Variants in SYNE2 observed in about 807,000 individuals in gnomAD.
The protein encoded by SYNE2 is spectrin repeat containing nuclear envelope protein 2.
A neutral mutation model predicts 856.3 loss-of-function variants in SYNE2; 431 were observed. That is an observed-to-expected ratio of 0.50 (90% CI 0.47 to 0.55). The LOEUF (loss-of-function observed/expected upper bound fraction) is 0.55. Among genes scored for constraint, SYNE2 ranks in the 20% least tolerant of loss-of-function variants. The pLI is 0.00. For missense variants in SYNE2, 8,129 were observed against 8,023.2 expected, an observed-to-expected ratio of 1.01 and a Z score of -0.50; for synonymous variants, 2,923 against 2,872.3, an observed-to-expected ratio of 1.02 and a Z score of -0.56.
At position 64,051,539 on chromosome 14, in the gene SYNE2, T is replaced by C; in HGVS notation, c.7644-18T>C. The stretch of plus-strand genomic sequence containing the variant: ...AAGCATTAAATATTAACAAGCTCTA[T>C]TTTTATTCTTTTTCTAGAGGACCAC... On this transcript the variant is annotated intron_variant, in intron 47 of 115. Coordinates refer to ENST00000555002, the MANE Select transcript of SYNE2 (RefSeq NM_182914.3). The C allele has an allele frequency of 6.2e-7, 1 of 1,601,264 alleles. No individual in the cohort carries two copies. The highest frequency in any genetic ancestry group is 8.5e-7 in the Non-Finnish European group (1 of 1,174,238).
Position 64,139,980 on chromosome 14 carries a change from A to C in SYNE2, c.14883A>C (p.Glu4961Asp), listed in dbSNP as rs767882517. The change falls in exon 80 of 116, where the codon GAA (glutamate) becomes GAC (aspartate). Residue 4961 changes from glutamate (E) to aspartate (D), a missense_variant. Around this residue, in one of 3 missense-constraint regions of SYNE2, gnomAD observed 5,410 missense variants for 5,284.8 expected, o/e 1.02. Coordinates refer to ENST00000555002, the MANE Select transcript of SYNE2 (RefSeq NM_182914.3). ...CGGATCAGTTAACCAAGTGGTTGGA[A>C]TCTTCCCAGCATACTCTGAATTACT... is the stretch of plus-strand genomic sequence containing the variant. The part of the protein sequence containing the change: ...RDSDQLTKWL[E>D]SSQHTLNYWK... 1 of 1,614,056 alleles carries C rather than the reference A, an allele frequency of 6.2e-7. No individual in the cohort carries two copies. Among genetic ancestry groups the C allele is most frequent in the Non-Finnish European group, 8.5e-7 (1 of 1,179,956 alleles).
At position 64,215,361 on chromosome 14, in the gene SYNE2, C is replaced by A. The variant is rs1435729964; in HGVS notation, c.19402+7C>A. ...ACTTTGAAAGCGTCTTCTGGTAGGC[C>A]CCCGCCCATGCATGTGTCAACATGG... On this transcript the variant is annotated splice_region_variant and intron_variant, in intron 107 of 115. Transcript: ENST00000555002. The A allele has an allele frequency of 2.5e-6, 4 of 1,613,874 alleles. No individual in the cohort carries two copies. Among genetic ancestry groups the A allele is most frequent in the Admixed American group, 1.7e-5 (1 of 60,032 alleles).
In SYNE2 at chr14:64,133,969, A is replaced by G. The variant is rs1029145; in HGVS notation, c.14515-100A>G. On this transcript the variant is annotated intron_variant, in intron 77 of 115. Coordinates refer to ENST00000555002, the MANE Select transcript of SYNE2 (RefSeq NM_182914.3). ...CCTGGAATCTGTGCTTTAATTTTGT[A>G]TGGTCTTGGTGTTCATTTTTGTTTT... 0.018 allele frequency: 25,413 copies of G among 1,398,644 alleles called. 1,988 individuals are homozygous for G. The African/African-American group carries it at 0.23, about 13-fold the overall frequency. The allele number at this position is 1,398,644 out of a possible 1,614,324, so 86.6% of individuals were successfully genotyped here.
chr14:63,984,627 G>C (rs951045681), intron 18 of SYNE2, among the ~76,000 whole-genome samples: 4 of 152,100 alleles, frequency 2.6e-5, no homozygotes, highest in African/African-American at 9.7e-5. Flanking sequence ...TATGGGAAAA[G>C]AACAAAAAAT....
rs576429806 is a variant in SYNE2 at position 64,140,577 on chromosome 14, C to CA, written c.14976+505dup. Among the ~76,000 whole-genome samples the CA allele has an allele frequency of 3.3e-5, 5 of 152,248 alleles. No homozygotes were observed. In the East Asian group the frequency reaches 9.6e-4, roughly 29 times the overall value. On this transcript the variant is annotated intron_variant, in intron 80 of 115. Coordinates refer to ENST00000555002, the MANE Select transcript of SYNE2 (RefSeq NM_182914.3). Reference sequence around the variant, plus strand: ...CAGCCTGGGCATCAAGAGTGAAACTCAGTCTCAAAAAACTTGCACTGACAT... The same window carrying CA: ...CAGCCTGGGCATCAAGAGTGAAACTCAAGTCTCAAAAAACTTGCACTGACAT...
chr14:64,133,019 A>T (rs1963747), intron 77 of SYNE2, among the ~76,000 whole-genome samples: 2 of 151,610 alleles, frequency 1.3e-5, no homozygotes, highest in African/African-American at 4.9e-5. Context: ...TGGCTAACAC[A>T]GTGAAACCCC....
intron 84 of SYNE2, among the ~76,000 whole-genome samples, chr14:64,146,755 C>T (rs7144688): frequency 0.39 from 59,408 of 152,210 alleles, 15,038 homozygotes; most frequent in African/African-American, 0.72. Context: ...TCTTTGCACA[C>T]TGATCCTGCT....
intron 8 of SYNE2, among the ~76,000 whole-genome samples, chr14:63,957,184 A>C: frequency 2.1e-5 from 3 of 142,372 alleles, no homozygotes; most frequent in Non-Finnish European, 3.0e-5. Flanking sequence ...TGCAACCTCC[A>C]CCTCCTGGGT....
At chr14:64,200,802 G>A (rs1289978246) in intron 99 of SYNE2, among the ~76,000 whole-genome samples, 1 of 150,452 alleles carries the variant, frequency 6.6e-6, no homozygotes, top group African/African-American at 2.5e-5. Context: ...GCTACCCAGT[G>A]AAGGAAGGTA....
rs772402331 is a variant in SYNE2, at chr14:64,162,223, A to G, written c.16246A>G (p.Met5416Val). The change falls in exon 88 of 116, where the codon ATG becomes GTG. Residue 5416 changes from methionine to valine, a missense_variant. By Grantham distance (21) the Met-to-Val change is conservative. Around this residue, in one of 3 missense-constraint regions of SYNE2, gnomAD observed 5,410 missense variants for 5,284.8 expected, o/e 1.02. Coordinates refer to ENST00000555002, the MANE Select transcript of SYNE2 (RefSeq NM_182914.3). Reference sequence around the variant, plus strand: ...GTTTCAACAGCTCGCAAACATCAGCATGTCTGGAAACAACCTGGCAGAGAT... The same window carrying G: ...GTTTCAACAGCTCGCAAACATCAGCGTGTCTGGAAACAACCTGGCAGAGAT... The part of the protein sequence containing the change: ...AKFQQLANIS[M>V]SGNNLAEILP... The G allele has an allele frequency of 1.2e-6, 2 of 1,614,218 alleles. No homozygotes were observed. The highest frequency in any genetic ancestry group is 2.2e-5 in the South Asian group (2 of 91,086).
At position 64,226,203 on chromosome 14, in the gene SYNE2, T is replaced by TCAA. The variant is rs2098717603; in HGVS notation, c.*677_*678insCAA. 3 of 152,882 alleles carry TCAA rather than the reference T, an allele frequency of 2.0e-5. No homozygotes were observed. Among genetic ancestry groups the TCAA allele is most frequent in the South Asian group, 4.1e-4 (2 of 4,832 alleles). The allele number at this position is 152,882 out of a possible 1,614,324, so 9.5% of individuals were successfully genotyped here. On this transcript the variant is annotated 3_prime_UTR_variant, in exon 116 of 116. Coordinates refer to ENST00000555002, the MANE Select transcript of SYNE2 (RefSeq NM_182914.3). ...GATTTTTTTTTAAAAAAATTAGATTTTAGCTGGAGCTTTTGACTAATGTAA... is the reference window on the plus strand; with the variant it reads ...GATTTTTTTTTAAAAAAATTAGATTTCAATAGCTGGAGCTTTTGACTAATGTAA...
chr14:64,169,004 C>T lies in SYNE2; in HGVS notation c.17000+33C>T, dbSNP rs751925425. On this transcript the variant is annotated intron_variant, in intron 93 of 115. Coordinates refer to ENST00000555002, the MANE Select transcript of SYNE2 (RefSeq NM_182914.3). ...GTCTGGGCCTCATGAAGGTTGTGGG[C>T]GGATGGAAGGTAATGCATTCAGTCA... The T allele has an allele frequency of 1.2e-5, 18 of 1,539,900 alleles. No homozygotes were observed. In the East Asian group the frequency reaches 2.0e-4, roughly 17 times the overall value.
Position 63,997,003 on chromosome 14 carries a change from G to A in SYNE2, c.2997G>A (p.Leu999=). Residue 999 remains leucine, a synonymous_variant, in exon 24 of 116, where the codon CTG becomes CTA. Coordinates refer to ENST00000555002, the MANE Select transcript of SYNE2 (RefSeq NM_182914.3). ...AGCTTAATCACCACATGGAAGTCCT[G>A]AGGGAGCTGTGTGAAGAGCTGCCTT... ...LYQLNHHMEV[L]RELCEELPSQ... 1 of 1,614,098 alleles carries A rather than the reference G, an allele frequency of 6.2e-7. No homozygotes were observed. Among genetic ancestry groups the A allele is most frequent in the Non-Finnish European group, 8.5e-7 (1 of 1,180,002 alleles).
intron 71 of SYNE2, 56 bp from the exon 72 acceptor site, chr14:64,126,271 G>A: frequency 6.7e-7 from 1 of 1,496,276 alleles, no homozygotes; most frequent in Non-Finnish European, 9.3e-7. Context: ...GCAAAATATA[G>A]GTCTAGGAAG....
At chr14:64,004,209 G>A (rs1202546319) in intron 30 of SYNE2, among the ~76,000 whole-genome samples, 1 of 101,322 alleles carries the variant, frequency 9.9e-6, no homozygotes, top group African/African-American at 4.3e-5. Flanking sequence ...TTTTTTTTTT[G>A]TATTTTAGTA....
chr14:63,995,020 A>G, intron 22 of SYNE2, 24 bp from the exon 23 acceptor site: 1 of 1,434,626 alleles, frequency 7.0e-7, no homozygotes, highest in Admixed American at 1.9e-5. Context: ...CATGGTTAAT[A>G]TATTCCTTTG....
chr14:63,798,024 A>T (rs544719997), intron 1 of SYNE2, among the ~76,000 whole-genome samples: 2 of 152,330 alleles, frequency 1.3e-5, no homozygotes, highest in East Asian at 3.8e-4. Context: ...GTTTTATTTG[A>T]TCTAGGTTAG....
At chr14:63,902,353 G>A (rs1293569086) in intron 1 of SYNE2, among the ~76,000 whole-genome samples, 1 of 140,708 alleles carries the variant, frequency 7.1e-6, no homozygotes, top group Non-Finnish European at 1.5e-5. Context: ...AGAGGTTGCA[G>A]TGAGCCGAGA....
chr14:63,886,653 T>C (rs888695903), intron 1 of SYNE2, among the ~76,000 whole-genome samples: 6 of 152,202 alleles, frequency 3.9e-5, no homozygotes, highest in African/African-American at 1.4e-4. Flanking sequence ...GTGTTTTAAA[T>C]GATATGGACT....
Sources: allele counts gnomAD v4.1 joint callset (sites outside exome capture counted in the v4.1 genomes callset), GRCh38; gene constraint gnomAD v4.1.1; regional missense constraint gnomAD v4.1.1; transcripts MANE v1.5; gene names NCBI Gene and HGNC (gene_info 2026-07-23, HGNC 2026-07-21).